Variants in PHYKPL observed in about 807,000 individuals in gnomAD.
PHYKPL encodes 5-phosphonooxy-L-lysine phospho-lyase.
In PHYKPL, 42 loss-of-function variants were observed where a neutral mutation model predicts 51.3. The observed-to-expected ratio is 0.82, with a 90% CI of 0.64 to 1.06. PHYKPL has a LOEUF of 1.06. PHYKPL is among the 50% of genes least tolerant of loss of function. The pLI, the probability that PHYKPL is intolerant of heterozygous loss-of-function variation, is 0.00. For synonymous variants in PHYKPL, 264 were observed against 236.0 expected (o/e 1.12, Z -1.09); for missense variants, 655 against 586.6 (o/e 1.12, Z -1.20).
At chr5:178,217,845 G>C (rs567893086) in intron 8 of PHYKPL, among the ~76,000 whole-genome samples, 232 of 147,496 alleles carry the variant, frequency 1.6e-3, no homozygotes, top group African/African-American at 5.4e-3. Context: ...GCGACAGAGC[G>C]AGACTCCGTC....
intron 12 of PHYKPL, chr5:178,210,730 C>T: frequency 1.2e-6 from 1 of 815,886 alleles, no homozygotes; most frequent in South Asian, 1.4e-5. Flanking sequence ...TTGCCTGTCC[C>T]ATGTGCATCT....
chr5:178,222,239 G>T, intron 8 of PHYKPL, 116 bp downstream of exon 8: 1 of 865,094 alleles, frequency 1.2e-6, no homozygotes, highest in Non-Finnish European at 1.8e-6. Context: ...ACAGCGTCTT[G>T]GAAGCGTGTG....
chr5:178,224,434 G>A lies in PHYKPL; in HGVS notation c.618+14C>T, dbSNP rs759794069. On this transcript the variant is annotated intron_variant, in intron 6 of 12. Coordinates refer to ENST00000308158, the MANE Select transcript of PHYKPL (RefSeq NM_153373.4). ...TCACTGTTGGCTGGATTGGACAGGC[G>A]CGGACACGGTTACCTTCCTGCCCTT... The A allele has an allele frequency of 2.4e-5, 38 of 1,558,678 alleles. No homozygotes were observed. Among genetic ancestry groups the A allele is most frequent in the Non-Finnish European group, 3.2e-5 (37 of 1,148,682 alleles).
chr5:178,227,632 G>A (rs571262759), intron 3 of PHYKPL, among the ~76,000 whole-genome samples: 10 of 152,182 alleles, frequency 6.6e-5, no homozygotes, highest in Non-Finnish European at 1.2e-4. Flanking sequence ...GACATGCAGG[G>A]GACATGTGCA....
chr5:178,210,901 C>T (rs1179313940), intron 12 of PHYKPL: 2 of 502,392 alleles, frequency 4.0e-6, no homozygotes, highest in Non-Finnish European at 7.1e-6. Flanking sequence ...CTTCCTGCTG[C>T]CGCTCTGCAG....
intron 2 of PHYKPL, 29 bp downstream of exon 2, chr5:178,231,376 G>A (rs1763369435): frequency 6.2e-7 from 1 of 1,614,066 alleles, no homozygotes; most frequent in Admixed American, 1.7e-5. Flanking sequence ...TTCCTCTCCT[G>A]CCCTGCCAGC....
chr5:178,208,578 C>T lies in PHYKPL; in HGVS notation c.*369G>A, dbSNP rs1305407876. ...TTTAATTTGCCAATTAAAAGTATGA[C>T]TGGGACACTGTAAAATGTACTATTT... On this transcript the variant is annotated 3_prime_UTR_variant, in exon 13 of 13. Transcript: ENST00000308158. 6.6e-6 allele frequency: 1 copy of T among 152,184 alleles called. No individual in the cohort carries two copies. Among genetic ancestry groups the T allele is most frequent in the Non-Finnish European group, 1.5e-5 (1 of 68,044 alleles). The allele number at this position is 152,184 out of a possible 1,614,324, so 9.4% of individuals were successfully genotyped here.
At chr5:178,221,047 A>G (rs141376195) in intron 8 of PHYKPL, among the ~76,000 whole-genome samples, 3 of 152,332 alleles carry the variant, frequency 2.0e-5, no homozygotes, top group Non-Finnish European at 4.4e-5. Flanking sequence ...GAGATACATG[A>G]TATTATCAAG....
chr5:178,232,333 T>C (rs1010545506), intron 1 of PHYKPL, 159 bp downstream of exon 1: 66 of 1,270,702 alleles, frequency 5.2e-5, no homozygotes, highest in Non-Finnish European at 6.4e-5. Context: ...CCTCGGGCCC[T>C]AGAAGCTCCA....
intron 6 of PHYKPL, 161 bp downstream of exon 6, chr5:178,224,287 C>G (rs1161265986): frequency 2.5e-6 from 2 of 790,508 alleles, no homozygotes; most frequent in Admixed American, 3.0e-5. Flanking sequence ...AGGCCGTGCA[C>G]TCAGACTCTC....
At position 178,208,789 on chromosome 5, in the gene PHYKPL, G is replaced by C. The variant is rs943330284; in HGVS notation, c.*158C>G. ...CCAACAGACCAGTGGTTAGGAGGAG[G>C]GGGTGGGTAGCATTATGGCCTCGGG... On this transcript the variant is annotated 3_prime_UTR_variant, in exon 13 of 13. Coordinates refer to ENST00000308158, the MANE Select transcript of PHYKPL (RefSeq NM_153373.4). 2 of 153,494 alleles carry C rather than the reference G, an allele frequency of 1.3e-5. No individual in the cohort carries two copies. The highest frequency in any genetic ancestry group is 4.8e-5 in the African/African-American group (2 of 41,466). 9.5% of individuals were successfully genotyped at this position (153,494 alleles called of 1,614,324 possible). A position where few individuals can be genotyped will look rare whatever the true frequency, so the allele number is the denominator to read the frequency against.
intron 3 of PHYKPL, 101 bp downstream of exon 3, chr5:178,229,839 C>G: frequency 1.4e-6 from 2 of 1,465,020 alleles, no homozygotes; most frequent in Non-Finnish European, 9.3e-7. Flanking sequence ...GCTGCCTCTC[C>G]GAGTCCACAC....
chr5:178,231,405 C>A lies in PHYKPL; in HGVS notation c.178G>T (p.Val60Phe). 1 of 1,614,164 alleles carries A rather than the reference C, an allele frequency of 6.2e-7. No individual in the cohort carries two copies. The highest frequency in any genetic ancestry group is 8.5e-7 in the Non-Finnish European group (1 of 1,180,020). Residue 60 changes from valine (V) to phenylalanine (F), a missense_variant and splice_region_variant, in exon 2 of 13, where the codon GTT (valine) becomes TTT (phenylalanine). By Grantham distance (50) the Val-to-Phe change is conservative (BLOSUM62 -1). Transcript: ENST00000308158. ...TGCCAGCCTGAGGTGTGATACTGAC[C>A]GTGCGCCACATTGCTGATGCAATCG... is the stretch of plus-strand genomic sequence containing the variant. Reference protein sequence around the residue: ...YIDCISNVAHVGHCHPLVVQA... With the variant: ...YIDCISNVAHFGHCHPLVVQA...
chr5:178,230,271 C>T, intron 2 of PHYKPL, 172 bp from the exon 3 acceptor site: 1 of 728,838 alleles, frequency 1.4e-6, no homozygotes, highest in Non-Finnish European at 2.2e-6. Context: ...TCTGGAAAGG[C>T]AGATCCAGGA....
chr5:178,222,293 G>A (rs775258736), intron 8 of PHYKPL, 62 bp downstream of exon 8: 19 of 1,439,254 alleles, frequency 1.3e-5, no homozygotes, highest in Non-Finnish European at 1.7e-5. Flanking sequence ...ACTAAGGACA[G>A]GCTGATCACC....
chr5:178,232,394 C>T, intron 1 of PHYKPL, 98 bp downstream of exon 1: 1 of 1,325,198 alleles, frequency 7.5e-7, no homozygotes, highest in Admixed American at 4.1e-5. Context: ...GCTTCCTAGC[C>T]GGAGGCGCGT....
chr5:178,225,648 A>G (rs1470659959), intron 3 of PHYKPL: 1 of 561,764 alleles, frequency 1.8e-6, no homozygotes, highest in African/African-American at 1.9e-5. Flanking sequence ...GCCCTTCTGG[A>G]ATTTACATTC....
In PHYKPL at chr5:178,210,982, C is replaced by T. The variant is rs1404000572; in HGVS notation, c.*31+908G>A. On this transcript the variant is annotated intron_variant, in intron 12 of 12. Coordinates refer to ENST00000308158, the MANE Select transcript of PHYKPL (RefSeq NM_153373.4). ...GAAACCAGTGTCACCTTTTTTTCAC[C>T]TTTTAATTTTATATTATTTGCGTCA... The T allele has an allele frequency of 1.6e-5, 4 of 253,772 alleles. No homozygotes were observed. The South Asian group carries it at 3.1e-4, about 19-fold the overall frequency. 15.7% of individuals were successfully genotyped at this position (253,772 alleles called of 1,614,324 possible).
intron 3 of PHYKPL, 24 bp downstream of exon 3, chr5:178,229,916 G>C (rs752784788): frequency 1.7e-5 from 28 of 1,607,452 alleles, no homozygotes; most frequent in Non-Finnish European, 2.0e-5. Flanking sequence ...CCCTCTTCCC[G>C]GGGGCTGGCC....
Sources: allele counts gnomAD v4.1 joint callset (sites outside exome capture counted in the v4.1 genomes callset), GRCh38; gene constraint gnomAD v4.1.1; transcripts MANE v1.5; gene names NCBI Gene and HGNC (gene_info 2026-07-23, HGNC 2026-07-21).